Variants in DUOX2 observed in about 807,000 individuals in gnomAD.
DUOX2 encodes NADH/NADPH thyroid oxidase p138-tox.
A neutral mutation model predicts 183.3 loss-of-function variants in DUOX2; 185 were observed. The observed-to-expected ratio is 1.01, with a 90% CI of 0.90 to 1.14. The LOEUF is 1.14. Among genes scored for constraint, DUOX2 ranks in the 50% most tolerant of loss-of-function variants. DUOX2 has a pLI of 0.00. For synonymous variants in DUOX2, 788 were observed against 812.4 expected (o/e 0.97, Z 0.51); for missense variants, 1,999 against 2,022.9 (o/e 0.99, Z 0.23).
Position 45,096,017 on chromosome 15 carries a change from G to A in DUOX2, c.3891C>T (p.Tyr1297=). The A allele has an allele frequency of 1.2e-6, 2 of 1,614,156 alleles. No homozygotes were observed. The highest frequency in any genetic ancestry group is 1.1e-5 in the South Asian group (1 of 91,082). Residue 1297 remains tyrosine, a synonymous_variant, in exon 30 of 34, where the codon TAC becomes TAT. Coordinates refer to ENST00000389039, the MANE Select transcript of DUOX2 (RefSeq NM_001363711.2). The part of the protein sequence containing the change: ...LQFQRPQGFE[Y]KSGQWVRIAC... ...CGATCCGCACCCACTGTCCTGACTT[G>A]TACTCAAAGCCTTGGGGCCTCTGGA...
rs79757509 is a variant in DUOX2, at chr15:45,106,431, T to C, written c.1945+97A>G. 6,520 of 1,585,668 alleles carry C rather than the reference T, an allele frequency of 4.1e-3. 207 individuals are homozygous for C. In the African/African-American group the frequency reaches 0.073, roughly 18 times the overall value. ...CTGAGCAGGCGCCCTAAAGGTGCCT[T>C]GGCTTTCCTCTCACTCTGTAACTTG... On this transcript the variant is annotated intron_variant, in intron 16 of 33. Coordinates refer to ENST00000389039, the MANE Select transcript of DUOX2 (RefSeq NM_001363711.2).
chr15:45,098,031 C>T lies in DUOX2; in HGVS notation c.3543G>A (p.Trp1181Ter). 1.9e-6 allele frequency: 3 copies of T among 1,614,134 alleles called. No homozygotes were observed. Among genetic ancestry groups the T allele is most frequent in the Non-Finnish European group, 2.5e-6 (3 of 1,179,976 alleles). Reference sequence around the variant, plus strand: ...TACCTGGGACGGTCTGGAAGAACCACCAATAGAACTTCTGGGGAAGCTTGG... The same window carrying T: ...TACCTGGGACGGTCTGGAAGAACCATCAATAGAACTTCTGGGGAAGCTTGG... Reference protein sequence around the residue: ...DGSKLPQKFYWWFFQTVPGMT... With the variant: ...DGSKLPQKFY The change falls in exon 27 of 34, where the codon TGG becomes TGA. Residue 1181 changes from tryptophan (W) to a stop codon, truncating the protein, a stop_gained. Transcript: ENST00000389039. LOFTEE classifies it high-confidence loss of function.
chr15:45,096,647 G>A (rs1399931378), intron 29 of DUOX2, among the ~76,000 whole-genome samples: 2 of 152,200 alleles, frequency 1.3e-5, no homozygotes, highest in African/African-American at 2.4e-5. Flanking sequence ...AGATCAGCAA[G>A]TGCTGGAGAG....
chr15:45,096,238 G>A (rs1893897596), intron 29 of DUOX2, among the ~76,000 whole-genome samples, 178 bp from the exon 30 acceptor site: 1 of 152,060 alleles, frequency 6.6e-6, no homozygotes, highest in Non-Finnish European at 1.5e-5. Context: ...CCCAGGTAAT[G>A]CAAGAGCTGG....
rs138680550 is a variant in DUOX2 at position 45,095,069 on chromosome 15, C to G, written c.4262G>C (p.Arg1421Pro). 3 of 1,613,886 alleles carry G rather than the reference C, an allele frequency of 1.9e-6. No homozygotes were observed. The highest frequency in any genetic ancestry group is 2.7e-5 in the African/African-American group (2 of 74,924). Reference protein sequence around the residue: ...CKKIYFIWVTRTQRQFEWLAD... With the variant: ...CKKIYFIWVTPTQRQFEWLAD... The stretch of plus-strand genomic sequence containing the variant: ...CAGCCACTCAAACTGACGCTGGGTC[C>G]GTGTCACCCAGATGAAGTAGATCTG... Residue 1421 changes from arginine to proline, a missense_variant, in exon 32 of 34, where the codon CGG (arginine) becomes CCG (proline). Physicochemically the swap from Arg to Pro is moderately radical, Grantham distance 103 (BLOSUM62 -2). This residue lies in a region of DUOX2 where 1,628 missense variants were observed against 1,608.6 expected (regional missense o/e 1.01). Coordinates refer to ENST00000389039, the MANE Select transcript of DUOX2 (RefSeq NM_001363711.2).
Position 45,112,737 on chromosome 15 carries a change from G to T in DUOX2, c.161-19C>A. ...CGGCAGCCTGCGGAGGCAGGGAGCG[G>T]GGCTCTGTCTAAGCACTCCATCCCC... On this transcript the variant is annotated intron_variant, in intron 3 of 33. Coordinates refer to ENST00000389039, the MANE Select transcript of DUOX2 (RefSeq NM_001363711.2). The T allele has an allele frequency of 6.2e-7, 1 of 1,610,052 alleles. No homozygotes were observed.
intron 17 of DUOX2, 145 bp from the exon 18 acceptor site, chr15:45,105,973 G>T: frequency 7.3e-7 from 1 of 1,362,284 alleles, no homozygotes; most frequent in Non-Finnish European, 1.0e-6. Flanking sequence ...GACGAAGGGG[G>T]TCAGGTTGTG....
At chr15:45,103,923 C>T in intron 20 of DUOX2, 37 bp downstream of exon 20, 1 of 1,607,642 alleles carries the variant, frequency 6.2e-7, no homozygotes. Context: ...TTGAAACACA[C>T]CAGGAAGTCT....
Position 45,106,856 on chromosome 15 carries a change from T to C in DUOX2, c.1807A>G (p.Ile603Val). 1 of 1,592,148 alleles carries C rather than the reference T, an allele frequency of 6.3e-7. No individual in the cohort carries two copies. Among genetic ancestry groups the C allele is most frequent in the South Asian group, 1.1e-5 (1 of 87,400 alleles). The change falls in exon 15 of 34, where the codon ATT becomes GTT. Residue 603 changes from isoleucine (I) to valine (V), a missense_variant. Ile to Val is a conservative substitution (Grantham distance 29). This residue lies in a region of DUOX2 where 1,628 missense variants were observed against 1,608.6 expected (regional missense o/e 1.01). Transcript: ENST00000389039. ...CCTAAGGGAAGGCAGCAGAGAGCAA[T>C]GATGGTGATGGCAAAACCAGGGCTG... ...GSSPGFAITI[I>V]ALCCLPLVSL...
intron 31 of DUOX2, 75 bp from the exon 32 acceptor site, chr15:45,095,166 G>T: frequency 6.5e-7 from 1 of 1,544,034 alleles, no homozygotes; most frequent in South Asian, 1.2e-5. Flanking sequence ...TCACCTGAGA[G>T]GCTGGGAAGC....
chr15:45,096,688 T>G (rs551440172), intron 29 of DUOX2, among the ~76,000 whole-genome samples: 46 of 152,270 alleles, frequency 3.0e-4, no homozygotes, highest in African/African-American at 1.1e-3. Context: ...ACTCTGAGAT[T>G]TTGTCCTTAA....
At chr15:45,096,710 T>C (rs1893910188) in intron 29 of DUOX2, among the ~76,000 whole-genome samples, 1 of 152,176 alleles carries the variant, frequency 6.6e-6, no homozygotes, top group South Asian at 2.1e-4. Context: ...TAATCTCAAT[T>C]GAAATAACAT....
chr15:45,112,458 A>T, intron 4 of DUOX2, 96 bp downstream of exon 4: 2 of 1,499,680 alleles, frequency 1.3e-6, no homozygotes, highest in South Asian at 2.3e-5. Context: ...TGGGAGTCGG[A>T]TGGGTCTCCT....
At chr15:45,112,002 C>A in intron 4 of DUOX2, 47 bp from the exon 5 acceptor site, 1 of 1,601,082 alleles carries the variant, frequency 6.2e-7, no homozygotes, top group Non-Finnish European at 8.5e-7. Context: ...CGTATTGCGC[C>A]CTCCCCACGG....
rs1045672065 is a variant in DUOX2 at position 45,098,198 on chromosome 15, A to G, written c.3516-140T>C. Reference sequence around the variant, plus strand: ...CACCCAGTTGGCCAGGGATCCCTCCAAGGAACTTGGCACCCAGGCTTCCAT... The same window carrying G: ...CACCCAGTTGGCCAGGGATCCCTCCGAGGAACTTGGCACCCAGGCTTCCAT... On this transcript the variant is annotated intron_variant, in intron 26 of 33. Transcript: ENST00000389039. The G allele has an allele frequency of 4.3e-5, 33 of 774,556 alleles. 1 individual carries two copies. In the South Asian group the frequency reaches 5.2e-4, roughly 12 times the overall value. The allele number at this position is 774,556 out of a possible 1,614,324, so 48.0% of individuals were successfully genotyped here. A position where few individuals can be genotyped will look rare whatever the true frequency, so the allele number is the denominator to read the frequency against.
rs1894253215 is a variant in DUOX2 at position 45,107,568 on chromosome 15, G to T, written c.1575-105C>A. ...GAGAAAAGAGACCCAGAGGGGCTGG[G>T]TGCAGTGGCTCATGCCTGTAATCCC... On this transcript the variant is annotated intron_variant, in intron 13 of 33. Coordinates refer to ENST00000389039, the MANE Select transcript of DUOX2 (RefSeq NM_001363711.2). 36 of 1,215,188 alleles carry T rather than the reference G, an allele frequency of 3.0e-5. No homozygotes were observed. The South Asian group carries it at 4.2e-4, about 14-fold the overall frequency. 75.3% of individuals were successfully genotyped at this position (1,215,188 alleles called of 1,614,324 possible). A position where few individuals can be genotyped will look rare whatever the true frequency, so the allele number is the denominator to read the frequency against.
In DUOX2 at chr15:45,099,463, G is replaced by A. The variant is rs150893514; in HGVS notation, c.3435C>T (p.His1145=). Reference sequence around the variant, plus strand: ...CTGAGAAGATGTAGACATTGACTGCGTGGCCAGCACTGTGCAAAACTGGAA... The same window carrying A: ...CTGAGAAGATGTAGACATTGACTGCATGGCCAGCACTGTGCAAAACTGGAA... ...VVLAILHSAG[H]AVNVYIFSVS... is the part of the protein sequence containing the mutation. The change falls in exon 26 of 34, where the codon CAC becomes CAT. Residue 1145 remains histidine (H), a synonymous_variant. Transcript: ENST00000389039. The A allele has an allele frequency of 7.9e-3, 12,671 of 1,613,978 alleles. 72 individuals are homozygous for A. The highest frequency in any genetic ancestry group is 0.01 in the Admixed American group (604 of 60,012).
At chr15:45,107,907 AAG>A in intron 13 of DUOX2, 138 bp downstream of exon 13, 1 of 844,338 alleles carries the variant, frequency 1.2e-6, no homozygotes, top group Non-Finnish European at 1.9e-6. Flanking sequence ...AGAAGAAAAA[AAG>A]AGAGACCCAG....
rs1307535661 is a variant in DUOX2, at chr15:45,110,860, G to C, written c.883-150C>G. 1.7e-5 allele frequency: 19 copies of C among 1,116,818 alleles called. No homozygotes were observed. In the East Asian group the frequency reaches 4.1e-4, roughly 24 times the overall value. The allele number at this position is 1,116,818 out of a possible 1,614,324, so 69.2% of individuals were successfully genotyped here. The stretch of plus-strand genomic sequence containing the variant: ...CTCAGACAGGAGCAGTGTGAGGCCT[G>C]TCCCCACAAGGAACCAGGGGATTTG... On this transcript the variant is annotated intron_variant, in intron 7 of 33. Transcript: ENST00000389039.
Sources: allele counts gnomAD v4.1 joint callset (sites outside exome capture counted in the v4.1 genomes callset), GRCh38; gene constraint gnomAD v4.1.1; regional missense constraint gnomAD v4.1.1; transcripts MANE v1.5; gene names NCBI Gene and HGNC (gene_info 2026-07-23, HGNC 2026-07-21).